The following DSCAML1 variants were observed in gnomAD, a reference collection of about 807,000 sequenced individuals.
DSCAML1 encodes the protein cell adhesion molecule DSCAML1.
DSCAML1 carries 38 observed loss-of-function variants against 200.5 expected under a neutral mutation model. The ratio of observed to expected loss-of-function variants is 0.19; its 90% CI spans 0.15 to 0.25. DSCAML1 has a LOEUF of 0.25. Among genes scored for constraint, DSCAML1 ranks in the 10% least tolerant of loss-of-function variants. The pLI is 1.00. For missense variants in DSCAML1, 2,223 were observed against 2,858.8 expected (o/e 0.78, Z 5.07); for synonymous variants, 1,215 against 1,165.0 (o/e 1.04, Z -0.87).
intron 3 of DSCAML1, among the ~76,000 whole-genome samples, chr11:117,599,055 T>C (rs566552269): frequency 1.3e-5 from 2 of 152,342 alleles, no homozygotes; most frequent in East Asian, 3.9e-4. Flanking sequence ...TTCCTATCAA[T>C]GATTAGAGAA....
intron 3 of DSCAML1, among the ~76,000 whole-genome samples, chr11:117,615,834 T>C (rs1247782251): frequency 1.3e-5 from 2 of 152,194 alleles, no homozygotes; most frequent in Non-Finnish European, 1.5e-5. Flanking sequence ...CCTTGGGTCT[T>C]TGAAGAGTGT....
intron 4 of DSCAML1, among the ~76,000 whole-genome samples, chr11:117,528,970 G>T (rs1420173760): frequency 2.9e-5 from 4 of 138,166 alleles, no homozygotes; most frequent in Admixed American, 1.7e-4. Context: ...TAACAATGTA[G>T]CAACAGCAGA....
At chr11:117,659,277 G>T (rs1421522986) in intron 3 of DSCAML1, among the ~76,000 whole-genome samples, 1 of 152,198 alleles carries the variant, frequency 6.6e-6, no homozygotes, top group African/African-American at 2.4e-5. Flanking sequence ...TTAGAGCTTG[G>T]ATATTATTAC....
chr11:117,730,154 A>ACACCCCAAGGTCCTCAACATGGGTGT (rs1172357241), intron 3 of DSCAML1, among the ~76,000 whole-genome samples: 1 of 152,152 alleles, frequency 6.6e-6, no homozygotes, highest in African/African-American at 2.4e-5. Flanking sequence ...AGCTGAGACC[A>ACACCCCAAGGTCCTCAACATGGGTGT]TGCCACCGCA....
At position 117,743,285 on chromosome 11, in the gene DSCAML1, G is replaced by A. The variant is rs555830367; in HGVS notation, c.511+33506C>T. 2.0e-5 allele frequency among the ~76,000 whole-genome samples: 3 copies of A among 152,294 alleles called. 1 individual carries two copies. In the South Asian group the frequency reaches 6.2e-4, roughly 32 times the overall value. Reference sequence around the variant, plus strand: ...CCCAGGGAGGAGGAGGAGCAAGGGTGCCCTGCAGGAAACCAGGTTCCTGGA... The same window carrying A: ...CCCAGGGAGGAGGAGGAGCAAGGGTACCCTGCAGGAAACCAGGTTCCTGGA... On this transcript the variant is annotated intron_variant, in intron 3 of 32. Transcript: ENST00000651296.
At chr11:117,614,226 T>C (rs1208724114) in intron 3 of DSCAML1, among the ~76,000 whole-genome samples, 2 of 152,280 alleles carry the variant, frequency 1.3e-5, no homozygotes, top group East Asian at 3.9e-4. Context: ...CTTGAGAACA[T>C]GGGCTTTGCA....
intron 3 of DSCAML1, among the ~76,000 whole-genome samples, chr11:117,697,209 C>T (rs1474494322): frequency 6.6e-6 from 1 of 152,190 alleles, no homozygotes; most frequent in Non-Finnish European, 1.5e-5. Context: ...TGCTCAGACT[C>T]CTGCACAAGG....
At position 117,431,747 on chromosome 11, in the gene DSCAML1, G is replaced by A; in HGVS notation, c.5180-19C>T. ...ACTGGATCTGCACAGACAGAAGCAA[G>A]AAATTGCATCCTCCAACCAAAGGCA... On this transcript the variant is annotated intron_variant, in intron 30 of 32. Transcript: ENST00000651296. 1 of 1,511,024 alleles carries A rather than the reference G, an allele frequency of 6.6e-7. No homozygotes were observed. Among genetic ancestry groups the A allele is most frequent in the South Asian group, 1.3e-5 (1 of 75,914 alleles). The allele number at this position is 1,511,024 out of a possible 1,614,324, so 93.6% of individuals were successfully genotyped here.
intron 3 of DSCAML1, among the ~76,000 whole-genome samples, chr11:117,627,029 G>T (rs2052059730): frequency 6.6e-6 from 1 of 152,220 alleles, no homozygotes. Context: ...TGACATTTAT[G>T]GCGGGAAGTT....
At chr11:117,696,263 C>G (rs1008216202) in intron 3 of DSCAML1, among the ~76,000 whole-genome samples, 1 of 152,148 alleles carries the variant, frequency 6.6e-6, no homozygotes, top group African/African-American at 2.4e-5. Context: ...TGAGCTGGTT[C>G]CCCCCTGGGG....
intron 27 of DSCAML1, among the ~76,000 whole-genome samples, chr11:117,435,129 C>T (rs752155480): frequency 2.0e-5 from 3 of 152,200 alleles, no homozygotes; most frequent in Non-Finnish European, 2.9e-5. Flanking sequence ...GTAAATCAGA[C>T]CCATTCACAG....
intron 3 of DSCAML1, among the ~76,000 whole-genome samples, chr11:117,599,423 C>T (rs1004750576): frequency 6.6e-6 from 1 of 152,114 alleles, no homozygotes; most frequent in African/African-American, 2.4e-5. Context: ...ATGGAATAGA[C>T]ACTTCGAAAT....
At chr11:117,536,885 T>C (rs2050181723) in intron 3 of DSCAML1, among the ~76,000 whole-genome samples, 1 of 152,212 alleles carries the variant, frequency 6.6e-6, no homozygotes, top group African/African-American at 2.4e-5. Context: ...AGGACTCTAC[T>C]TTTTTTAAAG....
intron 3 of DSCAML1, among the ~76,000 whole-genome samples, chr11:117,692,609 T>C (rs1245750806): frequency 6.6e-6 from 1 of 152,174 alleles, no homozygotes; most frequent in Non-Finnish European, 1.5e-5. Flanking sequence ...GGTTCTATAA[T>C]TAGAGTAATA....
intron 27 of DSCAML1, 117 bp downstream of exon 27, chr11:117,435,527 C>T: frequency 7.9e-7 from 1 of 1,261,376 alleles, no homozygotes; most frequent in South Asian, 1.9e-5. Context: ...GCTCCTCCTT[C>T]AAGGGGACAC....
chr11:117,774,946 C>A (rs2055105567), intron 3 of DSCAML1, among the ~76,000 whole-genome samples: 2 of 152,094 alleles, frequency 1.3e-5, no homozygotes, highest in Non-Finnish European at 2.9e-5. Context: ...AGCCCTGTAC[C>A]TGGGATATAG....
rs527906078 is a variant in DSCAML1 at position 117,543,385 on chromosome 11, T to C, written c.512-10863A>G. 2.1e-3 allele frequency among the ~76,000 whole-genome samples: 324 copies of C among 151,150 alleles called. 1 individual carries two copies. The highest frequency in any genetic ancestry group is 3.4e-3 in the Middle Eastern group (1 of 292). ...TGTACCTGCACTGGCATGTTGTGTA[T>C]CTGTGCTGGCATGTTGTGTACCTGT... is the stretch of plus-strand genomic sequence containing the variant. On this transcript the variant is annotated intron_variant, in intron 3 of 32. Transcript: ENST00000651296.
Position 117,428,622 on chromosome 11 carries a change from G to C in DSCAML1, c.5868C>G (p.Pro1956=). ...AGGCGGCAGCGGGGGCCCCTGGGTG[G>C]GGAAGGCCCAAGGACTTGCTGGCAG... The part of the protein sequence containing the change: ...LDPASKSLGL[P]HPGAPAAAST... Residue 1956 remains proline, a synonymous_variant, in exon 33 of 33, where the codon CCC becomes CCG. Coordinates refer to ENST00000651296, the MANE Select transcript of DSCAML1 (RefSeq NM_020693.4). 1 of 1,609,654 alleles carries C rather than the reference G, an allele frequency of 6.2e-7. No homozygotes were observed. The highest frequency in any genetic ancestry group is 8.5e-7 in the Non-Finnish European group (1 of 1,178,346).
At chr11:117,540,237 A>AGGCG (rs2050243046) in intron 3 of DSCAML1, among the ~76,000 whole-genome samples, 1 of 152,212 alleles carries the variant, frequency 6.6e-6, no homozygotes, top group South Asian at 2.1e-4. Context: ...GGTGAGTGGC[A>AGGCG]GGCGAGCGAG....
Sources: gnomAD v4.1 joint callset for allele counts (sites outside exome capture counted in the v4.1 genomes callset) on GRCh38, gnomAD v4.1.1 for gene constraint, MANE v1.5 for transcripts, NCBI Gene and HGNC (gene_info 2026-07-23, HGNC 2026-07-21) for gene names.